ANKFN1: variants seen among roughly 807,000 people sequenced by gnomAD.
ANKFN1 encodes the protein ankyrin repeat and fibronectin type-III domain-containing protein 1.
Under a neutral mutation model 108.7 loss-of-function variants are expected in ANKFN1, and 74 were observed. The ratio of observed to expected loss-of-function variants is 0.68; its 90% CI spans 0.56 to 0.83. The LOEUF is 0.83. Among genes scored for constraint, ANKFN1 ranks in the 40% least tolerant of loss-of-function variants. The pLI is 0.00. For missense variants in ANKFN1, 1,505 were observed against 1,382.3 expected (o/e 1.09, Z -1.41); for synonymous variants, 547 against 516.2 (o/e 1.06, Z -0.81).
chr17:56,467,820 AAGAAAG>A (rs2050169767), intron 15 of ANKFN1, among the ~76,000 whole-genome samples: 1 of 45,738 alleles, frequency 2.2e-5, no homozygotes, highest in African/African-American at 1.3e-4. Flanking sequence ...GAAAGAAAGA[AAGAAAG>A]AAAGAAAGAA....
intron 1 of ANKFN1, among the ~76,000 whole-genome samples, chr17:56,160,845 G>T (rs1250319875): frequency 6.6e-6 from 1 of 152,174 alleles, no homozygotes; most frequent in Admixed American, 6.5e-5. Context: ...ATACCTTAGA[G>T]GTGAAGAAGG....
At chr17:56,072,308 C>G (rs7214018) in intron 4 of ANKFN1, among the ~76,000 whole-genome samples, 103,764 of 151,972 alleles carry the variant, frequency 0.68, 35,940 homozygotes, top group Middle Eastern at 0.75. Context: ...TTTTTTAACT[C>G]TTATTGATAT....
In ANKFN1 at chr17:56,283,524, G is replaced by GATAT. The variant is rs567333825; in HGVS notation, c.54-42686_54-42683dup. Among the ~76,000 whole-genome samples the GATAT allele has an allele frequency of 1.4e-4, 20 of 141,530 alleles. 1 individual carries two copies. The highest frequency in any genetic ancestry group is 6.3e-4 in the South Asian group (3 of 4,784). The allele number at this position is 141,530 out of a possible 152,430, so 92.8% of individuals were successfully genotyped here. Reference sequence around the variant, plus strand: ...ATCAACAAATGGATAAAGAAACTGTGATATATATATATATGATGGAATACT... The same window carrying GATAT: ...ATCAACAAATGGATAAAGAAACTGTGATATATATATATATATATGATGGAATACT... On this transcript the variant is annotated intron_variant, in intron 3 of 20. Coordinates refer to ENST00000682825, the MANE Select transcript of ANKFN1 (RefSeq NM_001370326.1).
Position 56,512,445 on chromosome 17 carries a change from C to T in ANKFN1, c.*1176C>T, listed in dbSNP as rs1479221941. Among the ~76,000 whole-genome samples the T allele has an allele frequency of 6.6e-6, 1 of 152,176 alleles. No individual in the cohort carries two copies. On this transcript the variant is annotated 3_prime_UTR_variant, in exon 21 of 21. Transcript: ENST00000682825. ...CATCAGGGAAAATATGCTCAGAAGC[C>T]TTTACAAGTGGTTAATTCCAAGGAT...
chr17:56,451,097 T>A (rs2049469205), intron 11 of ANKFN1, among the ~76,000 whole-genome samples: 1 of 152,168 alleles, frequency 6.6e-6, no homozygotes. Context: ...AGATCAGTGA[T>A]CCAATAATAT....
In ANKFN1 at chr17:56,284,310, C is replaced by G. The variant is rs913944772; in HGVS notation, c.54-41911C>G. ...AGACTTAATTGTTACAAATTTCATT[C>G]CTAGGATACTGAGAAGCATAAAATT... On this transcript the variant is annotated intron_variant, in intron 3 of 20. Transcript: ENST00000682825. Among the ~76,000 whole-genome samples, 11 of 152,224 alleles carry G rather than the reference C, an allele frequency of 7.2e-5. No homozygotes were observed. In the East Asian group the frequency reaches 1.4e-3, roughly 19 times the overall value.
intron 1 of ANKFN1, among the ~76,000 whole-genome samples, chr17:56,164,214 C>A (rs1056421208): frequency 6.6e-6 from 1 of 151,600 alleles, no homozygotes; most frequent in Non-Finnish European, 1.5e-5. Context: ...CCCAGAAAGA[C>A]CTCCGTTGCA....
At chr17:56,214,328 C>G (rs955270157) in intron 2 of ANKFN1, among the ~76,000 whole-genome samples, 3 of 152,088 alleles carry the variant, frequency 2.0e-5, no homozygotes, top group Non-Finnish European at 2.9e-5. Context: ...GATGGTGAAG[C>G]TTGAGGGTGG....
At chr17:56,416,053 A>G (rs1301018981) in intron 8 of ANKFN1, among the ~76,000 whole-genome samples, 1 of 152,228 alleles carries the variant, frequency 6.6e-6, no homozygotes, top group African/African-American at 2.4e-5. Context: ...CACCATATAC[A>G]AATCAAATCA....
chr17:56,427,875 A>T (rs935090877), intron 8 of ANKFN1, among the ~76,000 whole-genome samples: 1 of 152,172 alleles, frequency 6.6e-6, no homozygotes, highest in African/African-American at 2.4e-5. Context: ...TTTGAGTCTC[A>T]GTTTCCTCAT....
intron 1 of ANKFN1, among the ~76,000 whole-genome samples, chr17:56,177,186 C>T (rs1911250870): frequency 6.6e-6 from 1 of 152,188 alleles, no homozygotes; most frequent in African/African-American, 2.4e-5. Flanking sequence ...TCTGTTCAAC[C>T]ATTTGGTTTG....
At chr17:56,288,805 C>T (rs1429842818) in intron 3 of ANKFN1, among the ~76,000 whole-genome samples, 2 of 152,186 alleles carry the variant, frequency 1.3e-5, no homozygotes, top group African/African-American at 4.8e-5. Flanking sequence ...TGACACCATC[C>T]TCTTTCCCTC....
chr17:56,418,429 A>C (rs2048303833), intron 8 of ANKFN1, among the ~76,000 whole-genome samples: 1 of 152,262 alleles, frequency 6.6e-6, no homozygotes, highest in African/African-American at 2.4e-5. Context: ...AAACAGTAAG[A>C]GTAATGCAGA....
intron 20 of ANKFN1, among the ~76,000 whole-genome samples, chr17:56,508,125 G>C (rs2145485190): frequency 6.6e-6 from 1 of 152,266 alleles, no homozygotes; most frequent in African/African-American, 2.4e-5. Context: ...GCCTGAACAA[G>C]GTAAATATTT....
Position 56,280,580 on chromosome 17 carries a change from T to C in ANKFN1, c.54-45641T>C, listed in dbSNP as rs146868144. Among the ~76,000 whole-genome samples the C allele has an allele frequency of 2.0e-5, 3 of 152,270 alleles. No homozygotes were observed. In the East Asian group the frequency reaches 5.8e-4, roughly 29 times the overall value. ...GGTTCTCCAGCTTGCAGATGGCATATTGTGGGACTTCTCAGACTCTATAAT... is the reference window on the plus strand; with the variant it reads ...GGTTCTCCAGCTTGCAGATGGCATACTGTGGGACTTCTCAGACTCTATAAT... On this transcript the variant is annotated intron_variant, in intron 3 of 20. Transcript: ENST00000682825.
At chr17:56,179,599 G>T (rs1343431978) in intron 1 of ANKFN1, among the ~76,000 whole-genome samples, 1 of 152,170 alleles carries the variant, frequency 6.6e-6, no homozygotes, top group African/African-American at 2.4e-5. Context: ...AGACCTGAAG[G>T]AGCTGAATGT....
intron 3 of ANKFN1, among the ~76,000 whole-genome samples, chr17:56,294,320 A>G (rs1052474379): frequency 2.0e-5 from 3 of 152,196 alleles, no homozygotes; most frequent in Non-Finnish European, 4.4e-5. Context: ...CCACAGCACT[A>G]TGGGCCAGGC....
At chr17:56,244,059 T>A (rs1357243570) in intron 3 of ANKFN1, among the ~76,000 whole-genome samples, 1 of 152,032 alleles carries the variant, frequency 6.6e-6, no homozygotes, top group Non-Finnish European at 1.5e-5. Flanking sequence ...GATAGGGTGC[T>A]GTTTGGAGAG....
At chr17:56,198,584 T>C (rs1312321607) in intron 1 of ANKFN1, among the ~76,000 whole-genome samples, 4 of 152,230 alleles carry the variant, frequency 2.6e-5, no homozygotes, top group Admixed American at 2.6e-4. Flanking sequence ...TAAACATTTG[T>C]CCTTATTTTC....
Sources: gnomAD v4.1 joint callset for allele counts (sites outside exome capture counted in the v4.1 genomes callset) on GRCh38, gnomAD v4.1.1 for gene constraint, MANE v1.5 for transcripts, NCBI Gene and HGNC (gene_info 2026-07-23, HGNC 2026-07-21) for gene names.